The following CHRM3 variants were observed in gnomAD, a reference collection of about 807,000 sequenced individuals.
CHRM3 encodes cholinergic receptor muscarinic 3.
In CHRM3, 11 loss-of-function variants were observed where a neutral mutation model predicts 41.8. That is an observed-to-expected ratio of 0.26 (90% CI 0.17 to 0.44). The LOEUF is 0.44. Ranked by LOEUF, CHRM3 falls within the 20% of genes least tolerant of loss-of-function variation. The probability of loss-of-function intolerance (pLI) is 1.00; values close to 1 mark genes in which losing one functional copy is unlikely to be tolerated. For missense variants in CHRM3, 571 were observed against 745.4 expected, an observed-to-expected ratio of 0.77 and a Z score of 2.72; for synonymous variants, 297 against 301.4, an observed-to-expected ratio of 0.99 and a Z score of 0.15.
At chr1:239,656,809 T>G (rs959887807) in intron 4 of CHRM3, among the ~76,000 whole-genome samples, 1 of 152,172 alleles carries the variant, frequency 6.6e-6, no homozygotes, top group Admixed American at 6.5e-5. Flanking sequence ...AATCATACTT[T>G]GTTTTTATAG....
At chr1:239,798,874 A>G (rs1669994049) in intron 5 of CHRM3, among the ~76,000 whole-genome samples, 1 of 152,196 alleles carries the variant, frequency 6.6e-6, no homozygotes, top group Admixed American at 6.5e-5. Context: ...TGGGACATGT[A>G]TTATTTGATC....
chr1:239,835,626 C>G (rs1673249058), intron 6 of CHRM3, among the ~76,000 whole-genome samples: 1 of 152,178 alleles, frequency 6.6e-6, no homozygotes, highest in South Asian at 2.1e-4. Flanking sequence ...AATTTCAAGT[C>G]ATGAAATCAA....
chr1:239,836,670 T>C (rs1036591046), intron 6 of CHRM3, among the ~76,000 whole-genome samples: 1 of 152,034 alleles, frequency 6.6e-6, no homozygotes, highest in African/African-American at 2.4e-5. Flanking sequence ...AAGGAAAGTT[T>C]TGTCACATAT....
chr1:239,874,295 A>ATATATATATATATATATATACACAG (rs1572557320), intron 6 of CHRM3, among the ~76,000 whole-genome samples: 6 of 73,152 alleles, frequency 8.2e-5, no homozygotes, highest in East Asian at 6.3e-4. Context: ...GTATATATAT[A>ATATATATATATATATATATACACAG]TATATATATA....
chr1:239,843,129 A>G (rs1673959181), intron 6 of CHRM3, among the ~76,000 whole-genome samples: 1 of 152,180 alleles, frequency 6.6e-6, no homozygotes, highest in Non-Finnish European at 1.5e-5. Flanking sequence ...CAGGTAATAT[A>G]AATTTACTTC....
chr1:239,864,545 C>CACAA, intron 6 of CHRM3, among the ~76,000 whole-genome samples: 1 of 139,562 alleles, frequency 7.2e-6, no homozygotes, highest in East Asian at 1.9e-4. Flanking sequence ...CACACACACA[C>CACAA]GCACACACAC....
chr1:239,673,696 T>C (rs1008561267), intron 4 of CHRM3, among the ~76,000 whole-genome samples: 41 of 152,146 alleles, frequency 2.7e-4, no homozygotes, highest in African/African-American at 9.2e-4. Flanking sequence ...CATTAACATA[T>C]ATATAGTATC....
intron 2 of CHRM3, among the ~76,000 whole-genome samples, chr1:239,528,980 G>A (rs1391025732): frequency 1.3e-5 from 2 of 152,106 alleles, no homozygotes; most frequent in Non-Finnish European, 2.9e-5. Context: ...AAAACAATGT[G>A]GATATTCTTC....
chr1:239,451,322 C>T (rs976436036), intron 1 of CHRM3, among the ~76,000 whole-genome samples: 1 of 152,108 alleles, frequency 6.6e-6, no homozygotes, highest in Non-Finnish European at 1.5e-5. Context: ...TGGAATTAAA[C>T]TTTTAAATTT....
Position 239,417,969 on chromosome 1 carries a change from T to A in CHRM3, c.-521+30742T>A, listed in dbSNP as rs555565185. On this transcript the variant is annotated intron_variant, in intron 1 of 6. Transcript: ENST00000676153. The stretch of plus-strand genomic sequence containing the variant: ...TTAAAAACTGTGTGATAGGTTGCTA[T>A]GTCTTGATAAGAAAGCTAAGTTTCA... 4.5e-4 allele frequency among the ~76,000 whole-genome samples: 68 copies of A among 152,358 alleles called. 1 individual carries two copies. Among genetic ancestry groups the A allele is most frequent in the African/African-American group, 1.6e-3 (68 of 41,578 alleles).
intron 6 of CHRM3, among the ~76,000 whole-genome samples, chr1:239,878,442 G>A: frequency 6.6e-6 from 1 of 152,036 alleles, no homozygotes; most frequent in East Asian, 1.9e-4. Flanking sequence ...GAGTAATGGG[G>A]AGCAGCTGTA....
At chr1:239,452,831 T>C (rs1418545902) in intron 1 of CHRM3, among the ~76,000 whole-genome samples, 1 of 152,138 alleles carries the variant, frequency 6.6e-6, no homozygotes, top group East Asian at 1.9e-4. Flanking sequence ...GACGGAGTCT[T>C]ACTCTGTCAC....
chr1:239,531,056 CAG>C (rs1670368565), intron 2 of CHRM3, among the ~76,000 whole-genome samples: 1 of 151,896 alleles, frequency 6.6e-6, no homozygotes, highest in Admixed American at 6.6e-5. Flanking sequence ...AGATAAAAGA[CAG>C]AGAAAACAAG....
intron 2 of CHRM3, among the ~76,000 whole-genome samples, chr1:239,515,287 A>G (rs947323619): frequency 6.8e-6 from 1 of 146,794 alleles, no homozygotes; most frequent in Admixed American, 6.7e-5. Flanking sequence ...TAAATGTTAT[A>G]TTTACCTTAA....
At chr1:239,544,660 A>G (rs1572663294) in intron 2 of CHRM3, among the ~76,000 whole-genome samples, 1 of 152,210 alleles carries the variant, frequency 6.6e-6, no homozygotes, top group South Asian at 2.1e-4. Flanking sequence ...CTGTTCATTC[A>G]TTCATTTACT....
intron 5 of CHRM3, among the ~76,000 whole-genome samples, chr1:239,706,727 G>A (rs1661218525): frequency 6.9e-6 from 1 of 144,362 alleles, no homozygotes; most frequent in Non-Finnish European, 1.5e-5. Flanking sequence ...CATACACATG[G>A]AGGCATGCAC....
chr1:239,498,434 A>C (rs1668019655), intron 2 of CHRM3, among the ~76,000 whole-genome samples: 1 of 152,154 alleles, frequency 6.6e-6, no homozygotes, highest in African/African-American at 2.4e-5. Context: ...ATAAAAAGTA[A>C]ATTTGATTTC....
intron 1 of CHRM3, among the ~76,000 whole-genome samples, chr1:239,479,031 A>T (rs1666646681): frequency 6.6e-6 from 1 of 152,120 alleles, no homozygotes; most frequent in African/African-American, 2.4e-5. Context: ...AAAAAATACA[A>T]AAATTAGCCA....
chr1:239,418,365 A>C (rs976490245), intron 1 of CHRM3, among the ~76,000 whole-genome samples: 3 of 152,154 alleles, frequency 2.0e-5, no homozygotes, highest in Non-Finnish European at 4.4e-5. Context: ...ATCTTTAAAA[A>C]ATATTGCATG....
Sources: gnomAD v4.1 joint callset for allele counts (sites outside exome capture counted in the v4.1 genomes callset) on GRCh38, gnomAD v4.1.1 for gene constraint, MANE v1.5 for transcripts, NCBI Gene and HGNC (gene_info 2026-07-23, HGNC 2026-07-21) for gene names.